Variants in ATP10B observed in about 807,000 individuals in gnomAD.
The protein encoded by ATP10B is ATPase phospholipid transporting 10B (putative), also known as phospholipid-transporting ATPase VB.
ATP10B carries 122 observed loss-of-function variants against 141.2 expected under a neutral mutation model. The observed-to-expected ratio is 0.86, with a 90% confidence interval of 0.75 to 1.00. The LOEUF is 1.00. Among genes scored for constraint, ATP10B ranks in the 50% least tolerant of loss-of-function variants. The pLI, the probability that ATP10B is intolerant of heterozygous loss-of-function variation, is 0.00. For synonymous variants in ATP10B, 685 were observed against 692.0 expected (o/e 0.99, Z 0.16); for missense variants, 1,876 against 1,825.3 (o/e 1.03, Z -0.51).
the ATP10B span, among the ~76,000 whole-genome samples, chr5:160,904,253 C>G: frequency 6.6e-6 from 1 of 152,142 alleles, no homozygotes; most frequent in South Asian, 2.1e-4. Flanking sequence ...CAGAGTCAGA[C>G]TGCCAGGGTT....
the ATP10B span, among the ~76,000 whole-genome samples, chr5:160,924,001 G>A: frequency 6.6e-6 from 1 of 152,152 alleles, no homozygotes; most frequent in African/African-American, 2.4e-5. Context: ...TTGATGAAAG[G>A]GTTGTCTGGG....
At chr5:160,653,831 CAT>C (rs1163261166) in intron 7 of ATP10B, among the ~76,000 whole-genome samples, 3 of 124,484 alleles carry the variant, frequency 2.4e-5, no homozygotes, top group Middle Eastern at 0.011. Flanking sequence ...GACGTATATA[CAT>C]ATATATTATA....
chr5:160,889,151 T>C, the ATP10B span, among the ~76,000 whole-genome samples: 81 of 152,278 alleles, frequency 5.3e-4, no homozygotes, highest in Admixed American at 1.7e-3. Context: ...TCCAGGTCTT[T>C]GGACATTGGT....
intron 2 of ATP10B, among the ~76,000 whole-genome samples, chr5:160,760,134 A>C (rs1217183225): frequency 6.6e-6 from 1 of 152,198 alleles, no homozygotes; most frequent in Non-Finnish European, 1.5e-5. Flanking sequence ...ATTTCATCCT[A>C]TAATAGGCAA....
chr5:160,745,430 C>A (rs1415835022), intron 2 of ATP10B, among the ~76,000 whole-genome samples: 3 of 152,182 alleles, frequency 2.0e-5, no homozygotes, highest in Non-Finnish European at 4.4e-5. Flanking sequence ...ATGCAGTATT[C>A]AGGAGGGACC....
chr5:160,700,863 T>G (rs1465819442), intron 3 of ATP10B, among the ~76,000 whole-genome samples: 1 of 152,126 alleles, frequency 6.6e-6, no homozygotes, highest in Non-Finnish European at 1.5e-5. Flanking sequence ...CCTCAGTATC[T>G]TTACCCCTAC....
At chr5:160,778,393 A>T (rs1328155636) in intron 2 of ATP10B, among the ~76,000 whole-genome samples, 1 of 152,236 alleles carries the variant, frequency 6.6e-6, no homozygotes, top group Non-Finnish European at 1.5e-5. Context: ...TTGATGACAC[A>T]AAGTGAAAGG....
intron 1 of ATP10B, among the ~76,000 whole-genome samples, chr5:160,832,820 C>G (rs1471998970): frequency 6.6e-6 from 1 of 152,104 alleles, no homozygotes; most frequent in African/African-American, 2.4e-5. Flanking sequence ...ACAAGAAGAA[C>G]AAAACCTGCC....
intron 3 of ATP10B, among the ~76,000 whole-genome samples, chr5:160,700,674 C>T (rs1764616729): frequency 6.6e-6 from 1 of 152,174 alleles, no homozygotes; most frequent in African/African-American, 2.4e-5. Flanking sequence ...AGAACCCTCT[C>T]AACTTTATTA....
chr5:160,888,777 A>T, the ATP10B span, among the ~76,000 whole-genome samples: 1 of 152,204 alleles, frequency 6.6e-6, no homozygotes, highest in African/African-American at 2.4e-5. Context: ...AAAATGGGTA[A>T]CAAGGGTCTC....
At chr5:160,707,821 G>A (rs1327434995) in intron 3 of ATP10B, among the ~76,000 whole-genome samples, 1 of 152,200 alleles carries the variant, frequency 6.6e-6, no homozygotes, top group Non-Finnish European at 1.5e-5. Flanking sequence ...CGGCATTTAA[G>A]TACTCCTGTG....
chr5:160,792,818 G>T (rs1771680912), intron 1 of ATP10B, among the ~76,000 whole-genome samples: 1 of 152,152 alleles, frequency 6.6e-6, no homozygotes, highest in East Asian at 1.9e-4. Context: ...CTTGGCCTGT[G>T]GGTCGAAGTC....
chr5:160,879,611 G>T, the ATP10B span, among the ~76,000 whole-genome samples: 2 of 151,720 alleles, frequency 1.3e-5, no homozygotes, highest in South Asian at 2.1e-4. Context: ...GGCCAAGGTG[G>T]GTGGACGGTG....
chr5:160,606,806 T>C lies in ATP10B; in HGVS notation c.3119A>G (p.Lys1040Arg). 1 of 1,614,080 alleles carries C rather than the reference T, an allele frequency of 6.2e-7. No individual in the cohort carries two copies. Among genetic ancestry groups the C allele is most frequent in the Admixed American group, 1.7e-5 (1 of 60,018 alleles). ...GACGCGCAACTTGTCTCGCACCAGCTTGACTATCATACTCTTCTGGAGTGG... is the reference window on the plus strand; with the variant it reads ...GACGCGCAACTTGTCTCGCACCAGCCTGACTATCATACTCTTCTGGAGTGG... ...STPLQKSMIV[K>R]LVRDKLRVMT... Residue 1040 changes from lysine (K) to arginine (R), a missense_variant, in exon 19 of 26, where the codon AAG becomes AGG. By Grantham distance (26) the Lys-to-Arg change is conservative. Coordinates refer to ENST00000327245, the MANE Select transcript of ATP10B (RefSeq NM_025153.3).
chr5:160,811,948 C>A (rs1156870603), intron 1 of ATP10B, among the ~76,000 whole-genome samples: 1 of 151,714 alleles, frequency 6.6e-6, no homozygotes, highest in Non-Finnish European at 1.5e-5. Context: ...GTGGTGGCCA[C>A]AGGGGTGCCT....
At chr5:160,582,863 T>A (rs139939328) in intron 24 of ATP10B, among the ~76,000 whole-genome samples, 1,951 of 152,336 alleles carry the variant, frequency 0.013, 20 homozygotes, top group Non-Finnish European at 0.018. Flanking sequence ...TTCCACTTGA[T>A]CGATTCAGCT....
At chr5:160,785,336 A>G (rs1771059882) in intron 2 of ATP10B, among the ~76,000 whole-genome samples, 1 of 152,138 alleles carries the variant, frequency 6.6e-6, no homozygotes, top group African/African-American at 2.4e-5. Context: ...ACAATGGAGA[A>G]AGTTTAAACC....
chr5:160,649,132 G>A (rs377573910), intron 8 of ATP10B, 39 bp downstream of exon 8: 268 of 1,382,990 alleles, frequency 1.9e-4, no homozygotes, highest in East Asian at 3.7e-4. Flanking sequence ...TAGCTGCAGC[G>A]GAGATATTTA....
intron 1 of ATP10B, among the ~76,000 whole-genome samples, chr5:160,832,185 C>T (rs1348738300): frequency 6.6e-6 from 1 of 152,058 alleles, no homozygotes; most frequent in Non-Finnish European, 1.5e-5. Flanking sequence ...AATAAGCCAA[C>T]ACCTTCAAAC....
Sources: allele counts gnomAD v4.1 joint callset (sites outside exome capture counted in the v4.1 genomes callset), GRCh38; gene constraint gnomAD v4.1.1; transcripts MANE v1.5; gene names NCBI Gene and HGNC (gene_info 2026-07-23, HGNC 2026-07-21).